KIF5C: variants seen among roughly 807,000 people sequenced by gnomAD.
KIF5C encodes the protein kinesin heavy chain isoform 5C.
A neutral mutation model predicts 125.2 loss-of-function variants in KIF5C; 18 were observed. That is an observed-to-expected ratio of 0.14 (90% CI 0.10 to 0.21). The LOEUF is 0.21. KIF5C is among the 10% of genes least tolerant of loss of function. The pLI is 1.00. For missense variants in KIF5C, 780 were observed against 1,183.8 expected (o/e 0.66, Z 5.01); for synonymous variants, 405 against 434.0 (o/e 0.93, Z 0.83).
chr2:148,980,033 A>T (rs558380020), intron 13 of KIF5C, among the ~76,000 whole-genome samples: 132 of 152,322 alleles, frequency 8.7e-4, no homozygotes, highest in South Asian at 5.2e-3. Flanking sequence ...ATTGGATCCC[A>T]CTGTGCAATG....
chr2:148,994,305 A>T, intron 16 of KIF5C, 116 bp from the exon 17 acceptor site: 2 of 1,396,100 alleles, frequency 1.4e-6, no homozygotes, highest in Non-Finnish European at 9.6e-7. Context: ...TGGTTGTGGC[A>T]CTCAGAAAAG....
intron 22 of KIF5C, 84 bp from the exon 23 acceptor site, chr2:149,007,879 A>ATT: frequency 1.7e-6 from 2 of 1,157,530 alleles, no homozygotes; most frequent in Non-Finnish European, 2.2e-6. Flanking sequence ...GGGAATGGGG[A>ATT]TTTTTTTTTT....
intron 7 of KIF5C, among the ~76,000 whole-genome samples, chr2:148,945,827 T>G (rs1682508141): frequency 1.3e-5 from 2 of 152,184 alleles, no homozygotes; most frequent in South Asian, 4.1e-4. Context: ...TTCATATAAA[T>G]TTTAGGATGG....
At chr2:148,939,477 T>A (rs1682362035) in intron 4 of KIF5C, among the ~76,000 whole-genome samples, 1 of 152,168 alleles carries the variant, frequency 6.6e-6, no homozygotes, top group African/African-American at 2.4e-5. Flanking sequence ...TACTGCAGGG[T>A]TCTTATGTGA....
At chr2:148,956,517 G>A (rs972780531) in intron 10 of KIF5C, among the ~76,000 whole-genome samples, 4 of 152,096 alleles carry the variant, frequency 2.6e-5, no homozygotes, top group African/African-American at 7.2e-5. Context: ...TTTGGTCCTG[G>A]TTCCCTCCCT....
intron 1 of KIF5C, 86 bp downstream of exon 1, chr2:148,875,829 G>C: frequency 2.0e-6 from 3 of 1,506,616 alleles, no homozygotes; most frequent in Non-Finnish European, 2.7e-6. Flanking sequence ...AGGTGTTTAG[G>C]CCGCCCCCTC....
chr2:148,885,883 A>C (rs962848199), intron 1 of KIF5C: 4 of 152,306 alleles, frequency 2.6e-5, no homozygotes, highest in African/African-American at 9.6e-5. Flanking sequence ...GTATTGACAC[A>C]TGGTGGGACT....
intron 16 of KIF5C, among the ~76,000 whole-genome samples, chr2:148,993,530 A>G (rs1029636550): frequency 6.6e-6 from 1 of 152,304 alleles, no homozygotes; most frequent in East Asian, 1.9e-4. Context: ...CTGAAATGCT[A>G]TCTTCTTTGT....
intron 4 of KIF5C, among the ~76,000 whole-genome samples, chr2:148,938,506 G>C (rs1469054211): frequency 1.3e-5 from 2 of 152,104 alleles, no homozygotes; most frequent in Non-Finnish European, 2.9e-5. Flanking sequence ...TTTGGTGGGA[G>C]AAGGGGTTGG....
Position 148,885,159 on chromosome 2 carries a change from G to A in KIF5C, c.126+9416G>A, listed in dbSNP as rs138783102. On this transcript the variant is annotated intron_variant, in intron 1 of 25. Transcript: ENST00000435030. ...TGCCATCATGCTTGACTAATTTTTT[G>A]TATTTTAGTAGAGACGGGGTTTCAC... Among the ~76,000 whole-genome samples, 883 of 152,074 alleles carry A rather than the reference G, an allele frequency of 5.8e-3. 14 individuals are homozygous for A. In the Middle Eastern group the frequency reaches 0.065, roughly 11 times the overall value.
At chr2:148,987,277 T>C (rs1245698085) in intron 15 of KIF5C, among the ~76,000 whole-genome samples, 2 of 152,294 alleles carry the variant, frequency 1.3e-5, no homozygotes, top group African/African-American at 4.8e-5. Context: ...TTCACTTTTA[T>C]TTGGAGACTT....
chr2:148,981,375 A>G lies in KIF5C; in HGVS notation c.1383A>G (p.Arg461=). The change falls in exon 14 of 26, where the codon AGA becomes AGG. Residue 461 remains arginine, a synonymous_variant. Transcript: ENST00000435030. ...DQDELLASTR[R]DYEKIQEELT... is the part of the protein sequence containing the mutation. The stretch of plus-strand genomic sequence containing the variant: ...CCCAGCTTTTAGCTTCCACAAGAAG[A>G]GACTATGAGAAGATACAGGAGGAGC... 1 of 1,610,584 alleles carries G rather than the reference A, an allele frequency of 6.2e-7. No individual in the cohort carries two copies.
chr2:148,875,919 CG>C (rs1052931907), intron 1 of KIF5C, among the ~76,000 whole-genome samples, 176 bp downstream of exon 1: 3 of 129,186 alleles, frequency 2.3e-5, no homozygotes, highest in Non-Finnish European at 5.1e-5. Flanking sequence ...CCCTCCCGGG[CG>C]GGTGGAGAGG....
At chr2:148,885,343 G>A (rs1681486344) in intron 1 of KIF5C, among the ~76,000 whole-genome samples, 1 of 152,132 alleles carries the variant, frequency 6.6e-6, no homozygotes, top group Non-Finnish European at 1.5e-5. Context: ...AGGGTCACCT[G>A]GAAAGCTATT....
intron 24 of KIF5C, 94 bp from the exon 25 acceptor site, chr2:149,011,475 AC>A: frequency 1.3e-6 from 2 of 1,499,562 alleles, no homozygotes; most frequent in Non-Finnish European, 1.8e-6. Context: ...AAGAATTGTG[AC>A]TTTTAGTTGT....
chr2:148,898,529 T>C (rs1428750143), intron 1 of KIF5C, among the ~76,000 whole-genome samples: 1 of 152,186 alleles, frequency 6.6e-6, no homozygotes, highest in East Asian at 1.9e-4. Context: ...ATCACAGGGA[T>C]TCTTAAATGG....
chr2:148,995,054 C>A, intron 17 of KIF5C, among the ~76,000 whole-genome samples: 1 of 152,284 alleles, frequency 6.6e-6, no homozygotes, highest in Middle Eastern at 3.4e-3. Flanking sequence ...CCCATTTCCT[C>A]ACAGTCCACC....
chr2:148,962,136 A>T lies in KIF5C; in HGVS notation c.1117+17A>T. 2.5e-6 allele frequency: 4 copies of T among 1,587,048 alleles called. No individual in the cohort carries two copies. In the South Asian group the frequency reaches 4.5e-5, roughly 18 times the overall value. The stretch of plus-strand genomic sequence containing the variant: ...GGAGGAATGGTAAGGAAAAGTAAGG[A>T]GGAAGAGTGAGGCATGAGTGTGTGC... On this transcript the variant is annotated intron_variant, in intron 11 of 25. Coordinates refer to ENST00000435030, the MANE Select transcript of KIF5C (RefSeq NM_004522.3).
At position 148,939,597 on chromosome 2, in the gene KIF5C, A is replaced by G. The variant is rs554539602; in HGVS notation, c.397-2013A>G. On this transcript the variant is annotated intron_variant, in intron 4 of 25. Transcript: ENST00000435030. Reference sequence around the variant, plus strand: ...AGCATGAAGTTAGGGGAGGAGAGGAACAACACTCTTAAGTCTCTAGGGCTG... The same window carrying G: ...AGCATGAAGTTAGGGGAGGAGAGGAGCAACACTCTTAAGTCTCTAGGGCTG... Among the ~76,000 whole-genome samples, 208 of 152,356 alleles carry G rather than the reference A, an allele frequency of 1.4e-3. 1 individual carries two copies. The highest frequency in any genetic ancestry group is 4.9e-3 in the African/African-American group (204 of 41,590).
Sources: gnomAD v4.1 joint callset for allele counts (sites outside exome capture counted in the v4.1 genomes callset) on GRCh38, gnomAD v4.1.1 for gene constraint, MANE v1.5 for transcripts, NCBI Gene and HGNC (gene_info 2026-07-23, HGNC 2026-07-21) for gene names.